GPC6: variants seen among roughly 807,000 people sequenced by gnomAD.
GPC6 encodes glypican-6.
Under a neutral mutation model 55.2 loss-of-function variants are expected in GPC6, and 14 were observed. The observed-to-expected ratio is 0.25, with a 90% CI of 0.17 to 0.40. The LOEUF is 0.40. GPC6 is among the 10% of genes least tolerant of loss of function. The pLI is 1.00. For missense variants in GPC6, 641 were observed against 708.5 expected (o/e 0.90, Z 1.08); for synonymous variants, 278 against 259.6 (o/e 1.07, Z -0.68).
intron 1 of GPC6, among the ~76,000 whole-genome samples, chr13:93,261,014 A>G (rs1200901023): frequency 6.6e-6 from 1 of 152,160 alleles, no homozygotes; most frequent in Non-Finnish European, 1.5e-5. Context: ...AACTCTTGAT[A>G]TGCAAATTCC....
chr13:93,541,103 C>G (rs1214941913), intron 1 of GPC6, among the ~76,000 whole-genome samples: 1 of 150,986 alleles, frequency 6.6e-6, no homozygotes, highest in Non-Finnish European at 1.5e-5. Context: ...TATACATGTG[C>G]CATGCTGGTG....
intron 1 of GPC6, among the ~76,000 whole-genome samples, chr13:93,305,895 T>C (rs1349407533): frequency 6.6e-6 from 1 of 152,170 alleles, no homozygotes; most frequent in Non-Finnish European, 1.5e-5. Flanking sequence ...ACTTTTTGCC[T>C]CCCATATGCA....
chr13:94,270,755 T>G (rs1169111532), intron 4 of GPC6, among the ~76,000 whole-genome samples: 2 of 152,170 alleles, frequency 1.3e-5, no homozygotes, highest in African/African-American at 4.8e-5. Flanking sequence ...CATATGCATC[T>G]TCTAAGACCA....
chr13:93,527,127 T>A (rs2139407885), intron 1 of GPC6, among the ~76,000 whole-genome samples: 1 of 152,190 alleles, frequency 6.6e-6, no homozygotes, highest in Non-Finnish European at 1.5e-5. Flanking sequence ...GATATACATA[T>A]ACAGAATGAA....
chr13:93,375,436 A>G (rs998952354), intron 1 of GPC6, among the ~76,000 whole-genome samples: 4 of 152,172 alleles, frequency 2.6e-5, no homozygotes, highest in African/African-American at 9.7e-5. Context: ...GAGTGGCTAA[A>G]TGCTAGTACC....
chr13:94,168,797 A>G (rs1888459434), intron 4 of GPC6, among the ~76,000 whole-genome samples: 1 of 150,822 alleles, frequency 6.6e-6, no homozygotes. Flanking sequence ...TTTTACATTA[A>G]TTATTATATT....
intron 3 of GPC6, among the ~76,000 whole-genome samples, chr13:93,858,819 A>G (rs1475326716): frequency 6.6e-6 from 1 of 151,460 alleles, no homozygotes; most frequent in Non-Finnish European, 1.5e-5. Flanking sequence ...GAGGAGAGTC[A>G]CTGTGGGCAG....
intron 6 of GPC6, among the ~76,000 whole-genome samples, chr13:94,358,328 A>G (rs1878898164): frequency 6.6e-6 from 1 of 152,010 alleles, no homozygotes; most frequent in Non-Finnish European, 1.5e-5. Flanking sequence ...AAAAAGGACC[A>G]TGAATTAAGT....
chr13:94,198,152 A>G (rs1203927320), intron 4 of GPC6, among the ~76,000 whole-genome samples: 2 of 152,178 alleles, frequency 1.3e-5, no homozygotes, highest in Non-Finnish European at 2.9e-5. Flanking sequence ...TTCTGTTGCC[A>G]TAATTACAAA....
At chr13:93,570,014 A>G (rs1371205282) in intron 2 of GPC6, among the ~76,000 whole-genome samples, 4 of 152,150 alleles carry the variant, frequency 2.6e-5, no homozygotes. Flanking sequence ...TTATTTTTGT[A>G]AATATACCAC....
intron 1 of GPC6, among the ~76,000 whole-genome samples, chr13:93,269,730 C>T (rs923035176): frequency 1.4e-5 from 2 of 147,774 alleles, no homozygotes; most frequent in African/African-American, 5.0e-5. Flanking sequence ...TCAAGACTAT[C>T]CTGGCTAGCA....
intron 1 of GPC6, among the ~76,000 whole-genome samples, chr13:93,274,819 A>G (rs1173634999): frequency 6.6e-6 from 1 of 152,210 alleles, no homozygotes. Flanking sequence ...ATGGACATGT[A>G]TATTAGTAAT....
At chr13:94,025,218 T>A (rs555377549) in intron 3 of GPC6, among the ~76,000 whole-genome samples, 7 of 152,240 alleles carry the variant, frequency 4.6e-5, no homozygotes, top group African/African-American at 1.7e-4. Flanking sequence ...AATTGGGTAG[T>A]CTTTGGAGAA....
intron 3 of GPC6, among the ~76,000 whole-genome samples, chr13:93,942,215 A>T (rs1424875276): frequency 2.0e-5 from 3 of 152,224 alleles, no homozygotes; most frequent in African/African-American, 7.2e-5. Context: ...TTACTTTGAA[A>T]CTTAGCAGCT....
At chr13:93,224,955 T>C (rs1197759867), upstream of GPC6, among the ~76,000 whole-genome samples, 5 of 152,250 alleles carry the variant, frequency 3.3e-5, no homozygotes, top group African/African-American at 4.8e-5. Context: ...GATCATTTTA[T>C]AAGTATAGGG....
intron 2 of GPC6, among the ~76,000 whole-genome samples, chr13:93,584,455 A>G (rs758599208): frequency 1.6e-4 from 25 of 152,064 alleles, no homozygotes; most frequent in Non-Finnish European, 3.5e-4. Flanking sequence ...GCAGTGTGCT[A>G]CATCAGCTCT....
At chr13:93,325,890 G>A (rs1004953754) in intron 1 of GPC6, among the ~76,000 whole-genome samples, 1 of 152,112 alleles carries the variant, frequency 6.6e-6, no homozygotes, top group African/African-American at 2.4e-5. Context: ...TACAGAGGAG[G>A]TATTCAGGGC....
At chr13:93,688,519 A>T (rs1269832412) in intron 2 of GPC6, among the ~76,000 whole-genome samples, 3 of 152,098 alleles carry the variant, frequency 2.0e-5, no homozygotes. Context: ...GAAACAACCC[A>T]AGTTCCCATC....
At chr13:93,582,022 G>A (rs1444395761) in intron 2 of GPC6, among the ~76,000 whole-genome samples, 2 of 152,194 alleles carry the variant, frequency 1.3e-5, no homozygotes, top group Non-Finnish European at 2.9e-5. Context: ...GGTATGCAGA[G>A]AGAGACGGTT....
Sources: gnomAD v4.1 joint callset for allele counts (sites outside exome capture counted in the v4.1 genomes callset) on GRCh38, gnomAD v4.1.1 for gene constraint, MANE v1.5 for transcripts, NCBI Gene and HGNC (gene_info 2026-07-23, HGNC 2026-07-21) for gene names.